The following IQCK variants were observed in gnomAD, a reference collection of about 807,000 sequenced individuals.
IQCK encodes the protein IQ motif containing K.
In IQCK, 29 loss-of-function variants were observed where a neutral mutation model predicts 28.1. The ratio of observed to expected loss-of-function variants is 1.03; its 90% CI spans 0.77 to 1.41. The LOEUF (loss-of-function observed/expected upper bound fraction) is 1.41, where lower values mean the gene tolerates loss of function less well. IQCK is among the 40% of genes most tolerant of loss of function. IQCK has a pLI of 0.00. For missense variants in IQCK, 359 were observed against 314.7 expected, an observed-to-expected ratio of 1.14 and a Z score of -1.07; for synonymous variants, 113 against 115.1, an observed-to-expected ratio of 0.98 and a Z score of 0.12.
intron 9 of IQCK, among the ~76,000 whole-genome samples, chr16:19,851,224 A>C (rs1219607192): frequency 1.3e-5 from 2 of 152,086 alleles, no homozygotes; most frequent in South Asian, 2.1e-4. Context: ...AACTTGCCCA[A>C]ATCTGCTCTC....
At chr16:19,778,052 C>CA (rs56758394) in intron 6 of IQCK, among the ~76,000 whole-genome samples, 3,438 of 150,132 alleles carry the variant, frequency 0.023, 109 homozygotes, top group African/African-American at 0.079. Context: ...GACTCTGTCT[C>CA]AAAAAAAAAG....
chr16:19,826,434 A>G (rs1165945081), intron 7 of IQCK, among the ~76,000 whole-genome samples: 1 of 152,222 alleles, frequency 6.6e-6, no homozygotes, highest in African/African-American at 2.4e-5. Context: ...GCTGGAGTGC[A>G]ATGGCACAAT....
chr16:19,827,696 G>A (rs576717629), downstream of IQCK, among the ~76,000 whole-genome samples: 3 of 152,256 alleles, frequency 2.0e-5, no homozygotes, highest in Non-Finnish European at 4.4e-5. Context: ...AATCTGTTAA[G>A]GGCCTGAATA....
At chr16:19,749,772 AAAAAAAAAAAAG>A (rs771327723) in intron 4 of IQCK, among the ~76,000 whole-genome samples, 3 of 131,178 alleles carry the variant, frequency 2.3e-5, no homozygotes, top group Non-Finnish European at 4.6e-5. Context: ...TTCAAAAAGG[AAAAAAAAAAAAG>A]AAAAAGAAAA....
chr16:19,740,716 A>C (rs2054821073), intron 4 of IQCK, among the ~76,000 whole-genome samples: 1 of 152,108 alleles, frequency 6.6e-6, no homozygotes, highest in African/African-American at 2.4e-5. Flanking sequence ...CATGCCTGTA[A>C]TGCCAGCCCT....
At chr16:19,837,220 CAG>C (rs763012983) in intron 9 of IQCK, among the ~76,000 whole-genome samples, 2 of 151,932 alleles carry the variant, frequency 1.3e-5, no homozygotes, top group Non-Finnish European at 2.9e-5. Context: ...CCGGGCAACA[CAG>C]AGAGACTATC....
At chr16:19,831,708 C>G (rs1316903346), downstream of IQCK, among the ~76,000 whole-genome samples, 2 of 151,332 alleles carry the variant, frequency 1.3e-5, no homozygotes, top group African/African-American at 4.9e-5. Flanking sequence ...ACAGGCATAT[C>G]TTTTTAAGTT....
chr16:19,765,819 TAA>T (rs933503215), intron 6 of IQCK: 2 of 152,228 alleles, frequency 1.3e-5, no homozygotes. Context: ...TATATTTTTC[TAA>T]GACAAGCTTC....
At chr16:19,739,762 C>G (rs2054806150) in intron 4 of IQCK, among the ~76,000 whole-genome samples, 1 of 152,176 alleles carries the variant, frequency 6.6e-6, no homozygotes, top group South Asian at 2.1e-4. Context: ...CTGCAGTGAA[C>G]CATGATGGCG....
At chr16:19,728,748 G>A (rs1400711998) in intron 1 of IQCK, among the ~76,000 whole-genome samples, 1 of 152,138 alleles carries the variant, frequency 6.6e-6, no homozygotes, top group Non-Finnish European at 1.5e-5. Flanking sequence ...AATGATTTGT[G>A]CTAATTTGTT....
intron 6 of IQCK, among the ~76,000 whole-genome samples, chr16:19,776,533 C>G (rs774655724): frequency 6.6e-6 from 1 of 152,072 alleles, no homozygotes; most frequent in Non-Finnish European, 1.5e-5. Flanking sequence ...GGTGAAACTC[C>G]GTCTCTACTA....
chr16:19,740,650 G>A (rs1045377741), intron 4 of IQCK, among the ~76,000 whole-genome samples: 1 of 152,152 alleles, frequency 6.6e-6, no homozygotes, highest in Admixed American at 6.6e-5. Context: ...AATGAGCACA[G>A]TGGAATAATC....
At position 19,732,121 on chromosome 16, in the gene IQCK, A is replaced by G. The variant is rs183585226; in HGVS notation, c.247-1577A>G. 1.6e-3 allele frequency among the ~76,000 whole-genome samples: 249 copies of G among 152,078 alleles called. 3 individuals are homozygous for G. Among genetic ancestry groups the G allele is most frequent in the African/African-American group, 4.9e-3 (202 of 41,472 alleles). ...TCCTTCCAGGCCCTCAGCCAATCCA[A>G]TGGTGCCTGCCCACATTGAGGATAG... On this transcript the variant is annotated intron_variant, in intron 2 of 7. Transcript: ENST00000564186.
chr16:19,847,123 A>T (rs1397613526), intron 9 of IQCK, among the ~76,000 whole-genome samples: 1 of 152,158 alleles, frequency 6.6e-6, no homozygotes, highest in Non-Finnish European at 1.5e-5. Context: ...TCTACCTCCC[A>T]GGGTGGTTGG....
intron 9 of IQCK, among the ~76,000 whole-genome samples, chr16:19,850,736 T>C (rs1245849862): frequency 6.6e-6 from 1 of 152,170 alleles, no homozygotes; most frequent in African/African-American, 2.4e-5. Flanking sequence ...AATAGCTGGC[T>C]GGGTGCTGTG....
intron 9 of IQCK, among the ~76,000 whole-genome samples, chr16:19,846,737 C>T (rs1281699496): frequency 1.3e-5 from 2 of 152,156 alleles, no homozygotes; most frequent in Admixed American, 1.3e-4. Context: ...GACATTTACG[C>T]CCTGAATGTC....
intron 9 of IQCK, among the ~76,000 whole-genome samples, chr16:19,841,547 C>G (rs1447092500): frequency 2.0e-5 from 3 of 152,156 alleles, no homozygotes; most frequent in African/African-American, 7.2e-5. Context: ...GATCACTCAT[C>G]TTTTAGATGC....
In IQCK at chr16:19,740,080, G is replaced by A. The variant is rs114171541; in HGVS notation, c.474+4630G>A. ...GGTTTCCATCCCTCCTAGTAAATGG[G>A]AGTTGGAGGCTGTCCTCAAAATAGC... On this transcript the variant is annotated intron_variant, in intron 4 of 7. Coordinates refer to ENST00000564186, the Ensembl canonical transcript of IQCK. Among the ~76,000 whole-genome samples the A allele has an allele frequency of 6.0e-3, 914 of 152,276 alleles. 10 individuals are homozygous for A. Among genetic ancestry groups the A allele is most frequent in the African/African-American group, 0.021 (878 of 41,556 alleles).
intron 6 of IQCK, among the ~76,000 whole-genome samples, chr16:19,785,153 G>A (rs537023938): frequency 6.6e-6 from 1 of 152,318 alleles, no homozygotes; most frequent in East Asian, 1.9e-4. Flanking sequence ...CAGCCCCAAG[G>A]TGCATTTGAG....
Sources: gnomAD v4.1 joint callset for allele counts (sites outside exome capture counted in the v4.1 genomes callset) on GRCh38, gnomAD v4.1.1 for gene constraint, MANE v1.5 for transcripts, NCBI Gene and HGNC (gene_info 2026-07-23, HGNC 2026-07-21) for gene names.